The following PACSIN2 variants were observed in gnomAD, a reference collection of about 807,000 sequenced individuals.
PACSIN2 encodes the protein protein kinase C and casein kinase substrate in neurons 2, also known as protein kinase C and casein kinase substrate in neurons protein 2.
A neutral mutation model predicts 63.8 loss-of-function variants in PACSIN2; 25 were observed. That is an observed-to-expected ratio of 0.39 (90% CI 0.29 to 0.55). The LOEUF is 0.55. Among genes scored for constraint, PACSIN2 ranks in the 20% least tolerant of loss-of-function variants. The pLI is 0.62. For synonymous variants in PACSIN2, 255 were observed against 256.2 expected (o/e 1.00, Z 0.05); for missense variants, 518 against 646.9 (o/e 0.80, Z 2.16).
At chr22:42,950,491 G>A (rs919837512) in intron 1 of PACSIN2, among the ~76,000 whole-genome samples, 2 of 152,176 alleles carry the variant, frequency 1.3e-5, no homozygotes, top group African/African-American at 2.4e-5. Context: ...AGCCTCCTAG[G>A]AGACAGCATG....
At chr22:43,014,364 AC>A (rs1221610452) in intron 1 of PACSIN2, among the ~76,000 whole-genome samples, 10 of 5,302 alleles carry the variant, frequency 1.9e-3, no homozygotes, top group African/African-American at 5.9e-3. Context: ...ACACACACAC[AC>A]CACCCCCCCC....
At chr22:42,896,735 C>T (rs1043959203) in intron 2 of PACSIN2, among the ~76,000 whole-genome samples, 1 of 152,226 alleles carries the variant, frequency 6.6e-6, no homozygotes, top group Non-Finnish European at 1.5e-5. Flanking sequence ...CCATCAGCAA[C>T]GTATGAGACT....
intron 1 of PACSIN2, among the ~76,000 whole-genome samples, chr22:43,011,749 C>T (rs1924501819): frequency 1.3e-5 from 2 of 150,566 alleles, no homozygotes; most frequent in African/African-American, 2.5e-5. Context: ...AGGTGGCAGG[C>T]GCCTGTAATC....
intron 1 of PACSIN2, among the ~76,000 whole-genome samples, chr22:42,990,717 T>C (rs1922984239): frequency 6.6e-6 from 1 of 152,160 alleles, no homozygotes; most frequent in Non-Finnish European, 1.5e-5. Flanking sequence ...CAAGTCTGGA[T>C]TTTATTGTGA....
In PACSIN2 at chr22:42,882,275, T is replaced by G; in HGVS notation, c.815A>C (p.Gln272Pro). 6.2e-7 allele frequency: 1 copy of G among 1,613,698 alleles called. No individual in the cohort carries two copies. The highest frequency in any genetic ancestry group is 8.5e-7 in the Non-Finnish European group (1 of 1,179,810). Residue 272 changes from glutamine (Q) to proline (P), a missense_variant, in exon 7 of 11, where the codon CAG becomes CCG. Transcript: ENST00000263246. ...GYKAIYHDLE[Q>P]SIRAADAVED... ...CACTGCATCAGCTGCTCTGATGCTC[T>G]GCTCCAGGTCATGGTAAATGGCTTT... is the stretch of plus-strand genomic sequence containing the variant.
intron 1 of PACSIN2, among the ~76,000 whole-genome samples, chr22:42,988,744 G>A (rs545111134): frequency 6.6e-6 from 1 of 152,224 alleles, no homozygotes; most frequent in South Asian, 2.1e-4. Flanking sequence ...ATTCATGTTG[G>A]CCCCAGCCCA....
At chr22:42,963,635 GT>G (rs775416822) in intron 1 of PACSIN2, among the ~76,000 whole-genome samples, 17 of 152,144 alleles carry the variant, frequency 1.1e-4, no homozygotes, top group Admixed American at 2.6e-4. Context: ...TCCTAGCCCT[GT>G]TTTACAGGGA....
At chr22:42,898,359 C>T (rs959651830) in intron 2 of PACSIN2, among the ~76,000 whole-genome samples, 1 of 151,886 alleles carries the variant, frequency 6.6e-6, no homozygotes, top group African/African-American at 2.4e-5. Flanking sequence ...ACAACCTCTG[C>T]CTCCTTGGTT....
rs1381791353 is a variant in PACSIN2 at position 42,974,761 on chromosome 22, A to AAAAAG, written c.-78+40255_-78+40259dup. ...GAGATCTTGTCTCAAAAAAAAAAAA[A>AAAAAG]AAAAGAAAAGAAAAGAGAAGAAGGA... On this transcript the variant is annotated intron_variant, in intron 1 of 10. Transcript: ENST00000263246. Among the ~76,000 whole-genome samples, 17 of 151,482 alleles carry AAAAAG rather than the reference A, an allele frequency of 1.1e-4. 1 individual carries two copies. Among genetic ancestry groups the AAAAAG allele is most frequent in the African/African-American group, 3.4e-4 (14 of 41,112 alleles).
intron 1 of PACSIN2, among the ~76,000 whole-genome samples, chr22:42,955,039 T>G (rs544575649): frequency 6.6e-6 from 1 of 152,212 alleles, no homozygotes; most frequent in African/African-American, 2.4e-5. Context: ...GACAAACCAC[T>G]CCCTCTAAAA....
At chr22:42,965,062 T>G (rs548291152) in intron 1 of PACSIN2, among the ~76,000 whole-genome samples, 28 of 152,306 alleles carry the variant, frequency 1.8e-4, no homozygotes, top group Admixed American at 1.1e-3. Context: ...AACCCAACTG[T>G]GTGTGGCATC....
intron 1 of PACSIN2, among the ~76,000 whole-genome samples, chr22:42,981,670 G>T (rs1431071976): frequency 4.4e-5 from 5 of 113,704 alleles, no homozygotes; most frequent in Admixed American, 7.9e-5. Flanking sequence ...CCCCCGCCCG[G>T]CCAGCCGCCC....
chr22:42,996,934 C>A (rs542792803), intron 1 of PACSIN2, among the ~76,000 whole-genome samples: 148 of 152,298 alleles, frequency 9.7e-4, no homozygotes, highest in African/African-American at 3.5e-3. Context: ...AAATAGGACA[C>A]CTGGCACAAA....
intron 1 of PACSIN2, among the ~76,000 whole-genome samples, chr22:42,965,988 A>G (rs972015049): frequency 8.5e-5 from 13 of 152,290 alleles, no homozygotes; most frequent in Non-Finnish European, 1.8e-4. Context: ...AATCTTTTTC[A>G]TATTTTTCTT....
At chr22:43,014,367 ACCCCCCCCCC>A (rs1160186769) in intron 1 of PACSIN2, among the ~76,000 whole-genome samples, 1 of 9,486 alleles carries the variant, frequency 1.1e-4, no homozygotes, top group Non-Finnish European at 2.4e-4. Flanking sequence ...CACACACACC[ACCCCCCCCCC>A]CCCGGGACAC....
chr22:42,992,380 C>T (rs1923101748), intron 1 of PACSIN2, among the ~76,000 whole-genome samples: 1 of 152,164 alleles, frequency 6.6e-6, no homozygotes, highest in South Asian at 2.1e-4. Flanking sequence ...ACCCTAGCCA[C>T]CAAACCTAGC....
At position 42,882,255 on chromosome 22, in the gene PACSIN2, C is replaced by A; in HGVS notation, c.835G>T (p.Ala279Ser). 6.2e-7 allele frequency: 1 copy of A among 1,614,054 alleles called. No homozygotes were observed. The highest frequency in any genetic ancestry group is 8.5e-7 in the Non-Finnish European group (1 of 1,179,946). Residue 279 changes from alanine (A) to serine (S), a missense_variant, in exon 7 of 11, where the codon GCA (alanine) becomes TCA (serine). Ala to Ser is a moderately conservative substitution (Grantham distance 99). This residue lies in a region of PACSIN2 where 507 missense variants were observed against 612.3 expected (regional missense o/e 0.83). Coordinates refer to ENST00000263246, the MANE Select transcript of PACSIN2 (RefSeq NM_001184970.3). Reference protein sequence around the residue: ...DLEQSIRAADAVEDLRWFRAN... With the variant: ...DLEQSIRAADSVEDLRWFRAN... ...CGGAACCACCTCAGGTCCTCCACTG[C>A]ATCAGCTGCTCTGATGCTCTGCTCC...
intron 2 of PACSIN2, among the ~76,000 whole-genome samples, chr22:42,894,137 C>G (rs1466128796): frequency 1.3e-5 from 2 of 152,192 alleles, no homozygotes; most frequent in African/African-American, 2.4e-5. Context: ...TCTCCCCTAC[C>G]TAGTAGGAAT....
At chr22:43,005,432 T>C (rs1345227655) in intron 1 of PACSIN2, among the ~76,000 whole-genome samples, 1 of 152,108 alleles carries the variant, frequency 6.6e-6, no homozygotes, top group African/African-American at 2.4e-5. Flanking sequence ...CATCAGGCCC[T>C]TACCCCAACA....
Sources: allele counts gnomAD v4.1 joint callset (sites outside exome capture counted in the v4.1 genomes callset), GRCh38; gene constraint gnomAD v4.1.1; regional missense constraint gnomAD v4.1.1; transcripts MANE v1.5; gene names NCBI Gene and HGNC (gene_info 2026-07-23, HGNC 2026-07-21).